Variants in NRP1 observed in about 807,000 individuals in gnomAD.
The protein encoded by NRP1 is neuropilin-1.
NRP1 carries 35 observed loss-of-function variants against 106.7 expected under a neutral mutation model. The observed-to-expected ratio is 0.33, with a 90% CI of 0.25 to 0.43. NRP1 has a LOEUF of 0.43. Among genes scored for constraint, NRP1 ranks in the 20% least tolerant of loss-of-function variants. The pLI is 1.00. For synonymous variants in NRP1, 437 were observed against 417.9 expected, an observed-to-expected ratio of 1.05 and a Z score of -0.56; for missense variants, 1,024 against 1,170.4, an observed-to-expected ratio of 0.87 and a Z score of 1.83.
At chr10:33,306,967 C>T (rs1053559974) in intron 2 of NRP1, among the ~76,000 whole-genome samples, 1 of 152,236 alleles carries the variant, frequency 6.6e-6, no homozygotes, top group African/African-American at 2.4e-5. Flanking sequence ...GGCAGAGCTA[C>T]AGCTGCCTGA....
chr10:33,238,848 G>A (rs1469128133), intron 6 of NRP1, among the ~76,000 whole-genome samples: 2 of 152,046 alleles, frequency 1.3e-5, no homozygotes, highest in African/African-American at 4.8e-5. Flanking sequence ...TATTAACCAT[G>A]AGAATGTGAC....
intron 8 of NRP1, among the ~76,000 whole-genome samples, chr10:33,216,850 A>T (rs910553273): frequency 6.6e-6 from 1 of 151,186 alleles, no homozygotes; most frequent in African/African-American, 2.4e-5. Context: ...GTTTTATATG[A>T]CTCTTCATGC....
At chr10:33,185,268 C>A (rs1476200574) in intron 15 of NRP1, among the ~76,000 whole-genome samples, 1 of 152,146 alleles carries the variant, frequency 6.6e-6, no homozygotes, top group Non-Finnish European at 1.5e-5. Context: ...TGTTTATACA[C>A]CCAGATATTT....
At chr10:33,298,431 C>A (rs915700797) in intron 2 of NRP1, among the ~76,000 whole-genome samples, 1 of 152,162 alleles carries the variant, frequency 6.6e-6, no homozygotes, top group African/African-American at 2.4e-5. Flanking sequence ...GCCTGGAAGA[C>A]GATGGGCCCA....
intron 11 of NRP1, among the ~76,000 whole-genome samples, chr10:33,198,413 A>G (rs1413089306): frequency 6.6e-6 from 1 of 152,088 alleles, no homozygotes; most frequent in Non-Finnish European, 1.5e-5. Context: ...AAGTGCTAGG[A>G]TTACAGGTAT....
rs1480146818 is a variant in NRP1 at position 33,177,911 on chromosome 10, C to T, written c.*2165G>A. 2.0e-5 allele frequency: 3 copies of T among 152,448 alleles called. No individual in the cohort carries two copies. The highest frequency in any genetic ancestry group is 4.4e-5 in the Non-Finnish European group (3 of 68,008). 9.4% of individuals were successfully genotyped at this position (152,448 alleles called of 1,614,324 possible). On this transcript the variant is annotated 3_prime_UTR_variant, in exon 17 of 17. Transcript: ENST00000374867. The stretch of plus-strand genomic sequence containing the variant: ...CTTTACAAATTAATAACTTTATAAA[C>T]ATATAATTTTTAAATATATTTATCA...
chr10:33,209,122 G>A (rs575118714), intron 9 of NRP1, among the ~76,000 whole-genome samples: 1 of 152,150 alleles, frequency 6.6e-6, no homozygotes, highest in Admixed American at 6.5e-5. Context: ...GGCCAGGCTG[G>A]TCTTGAACTC....
chr10:33,221,087 T>C (rs1216727941), intron 8 of NRP1, among the ~76,000 whole-genome samples: 1 of 151,884 alleles, frequency 6.6e-6, no homozygotes, highest in Non-Finnish European at 1.5e-5. Context: ...TGCCCTCATG[T>C]TGTCCCACAT....
intron 7 of NRP1, 142 bp from the exon 8 acceptor site, chr10:33,222,005 G>A: frequency 1.2e-6 from 1 of 833,226 alleles, no homozygotes; most frequent in Non-Finnish European, 1.9e-6. Context: ...AACTCGCCAT[G>A]TTAATTTTTT....
intron 4 of NRP1, 24 bp from the exon 5 acceptor site, chr10:33,256,495 A>G: frequency 6.2e-7 from 1 of 1,606,836 alleles, no homozygotes; most frequent in Non-Finnish European, 8.5e-7. Context: ...AATACAGACG[A>G]TGTCAAAATG....
At chr10:33,274,978 C>G (rs1332652622) in intron 2 of NRP1, among the ~76,000 whole-genome samples, 1 of 152,112 alleles carries the variant, frequency 6.6e-6, no homozygotes, top group African/African-American at 2.4e-5. Context: ...GTGCTGCCGT[C>G]CAAGAATTAA....
intron 2 of NRP1, among the ~76,000 whole-genome samples, chr10:33,306,042 C>T (rs1456909129): frequency 2.0e-5 from 3 of 152,152 alleles, no homozygotes; most frequent in South Asian, 2.1e-4. Context: ...GCTGGGATTA[C>T]AGGCGTGCCA....
intron 2 of NRP1, among the ~76,000 whole-genome samples, chr10:33,306,907 G>C (rs151186767): frequency 5.3e-5 from 8 of 152,320 alleles, no homozygotes; most frequent in African/African-American, 1.9e-4. Context: ...GATTACTTTT[G>C]TGGGAGTTGG....
chr10:33,251,932 C>G (rs1841891591), intron 6 of NRP1, among the ~76,000 whole-genome samples: 1 of 152,092 alleles, frequency 6.6e-6, no homozygotes, highest in Admixed American at 6.6e-5. Flanking sequence ...AGGAGAGTCC[C>G]TGGCTAGGGC....
intron 2 of NRP1, among the ~76,000 whole-genome samples, chr10:33,330,037 C>G (rs925581772): frequency 1.3e-5 from 2 of 152,186 alleles, no homozygotes. Context: ...GATAGCAAGA[C>G]TAAGCAGGTG....
chr10:33,312,222 C>T (rs1300842369), intron 2 of NRP1, among the ~76,000 whole-genome samples: 3 of 152,066 alleles, frequency 2.0e-5, no homozygotes, highest in South Asian at 2.1e-4. Flanking sequence ...GCTCTTTAGT[C>T]TTTATTGGTG....
In NRP1 at chr10:33,186,355, G is replaced by A. The variant is rs376053165; in HGVS notation, c.2196C>T (p.His732=). The part of the protein sequence containing the change: ...MTFWYHMSGS[H]VGTLRVKLRY... ...GCAGTTTGACCCTGAGTGTGCCGAC[G>A]TGGGACCCAGACATGTGATACCAGA... The change falls in exon 14 of 17, where the codon CAC becomes CAT. Residue 732 remains histidine, a synonymous_variant. Transcript: ENST00000374867. 8 of 1,613,986 alleles carry A rather than the reference G, an allele frequency of 5.0e-6. No homozygotes were observed. The highest frequency in any genetic ancestry group is 3.3e-5 in the South Asian group (3 of 91,078).
At chr10:33,322,927 GA>G (rs1172323857) in intron 2 of NRP1, among the ~76,000 whole-genome samples, 1 of 152,184 alleles carries the variant, frequency 6.6e-6, no homozygotes, top group East Asian at 1.9e-4. Context: ...TGATCACAAA[GA>G]CAGAAAGATT....
chr10:33,267,462 G>A (rs1842999092), intron 3 of NRP1, among the ~76,000 whole-genome samples: 1 of 152,090 alleles, frequency 6.6e-6, no homozygotes. Context: ...TAGTTGCCAA[G>A]GACAATAAGG....
Sources: gnomAD v4.1 joint callset for allele counts (sites outside exome capture counted in the v4.1 genomes callset) on GRCh38, gnomAD v4.1.1 for gene constraint, MANE v1.5 for transcripts, NCBI Gene and HGNC (gene_info 2026-07-23, HGNC 2026-07-21) for gene names.